SDK1: variants seen among roughly 807,000 people sequenced by gnomAD.
The protein encoded by SDK1 is sidekick cell adhesion molecule 1.
Under a neutral mutation model 245.5 loss-of-function variants are expected in SDK1, and 157 were observed. That is an observed-to-expected ratio of 0.64 (90% CI 0.56 to 0.73). The LOEUF is 0.73. Ranked by LOEUF, SDK1 falls within the 30% of genes least tolerant of loss-of-function variation. The pLI, the probability that SDK1 is intolerant of heterozygous loss-of-function variation, is 0.00. For missense variants in SDK1, 3,583 were observed against 3,002.3 expected (o/e 1.19, Z -4.52); for synonymous variants, 1,647 against 1,278.5 (o/e 1.29, Z -6.15).
chr7:3,543,129 A>C (rs1385753878), intron 1 of SDK1, among the ~76,000 whole-genome samples: 1 of 152,266 alleles, frequency 6.6e-6, no homozygotes, highest in Admixed American at 6.5e-5. Context: ...TCTCCAAAGT[A>C]ACGGAGGTTA....
At chr7:3,672,755 AATTT>A (rs1223010762) in intron 4 of SDK1, among the ~76,000 whole-genome samples, 8 of 80,148 alleles carry the variant, frequency 1.0e-4, no homozygotes, top group Admixed American at 9.3e-4. Flanking sequence ...TATAATATAT[AATTT>A]TATATATATA....
chr7:3,968,695 T>A (rs1274160964), intron 10 of SDK1, among the ~76,000 whole-genome samples: 8 of 152,234 alleles, frequency 5.3e-5, no homozygotes, highest in African/African-American at 1.9e-4. Flanking sequence ...TCTCTAAATA[T>A]TGAGCAAGTA....
intron 28 of SDK1, 58 bp from the exon 29 acceptor site, chr7:4,145,664 C>A: frequency 2.1e-6 from 3 of 1,460,106 alleles, no homozygotes; most frequent in Non-Finnish European, 2.8e-6. Flanking sequence ...GGGCACAGGG[C>A]TTCCCTGTGC....
rs1786269143 is a variant in SDK1, at chr7:4,237,784, G to T, written c.6130G>T (p.Gly2044Ter). The T allele has an allele frequency of 6.2e-7, 1 of 1,614,192 alleles. No homozygotes were observed. The highest frequency in any genetic ancestry group is 8.5e-7 in the Non-Finnish European group (1 of 1,180,046). ...QNKKYKNCST[G>*]KGISTMEESV... ...TAAGAAGTATAAGAACTGCAGCACA[G>T]GTGCAGGTCCAGCCCCTTCCTCGCG... The change falls in exon 42 of 45, where the codon GGA becomes TGA. Residue 2044 changes from glycine (G) to a stop codon, truncating the protein, a stop_gained and splice_region_variant. Transcript: ENST00000404826. LOFTEE classifies it high-confidence loss of function.
At chr7:3,775,856 G>A (rs572515065) in intron 4 of SDK1, among the ~76,000 whole-genome samples, 3 of 152,286 alleles carry the variant, frequency 2.0e-5, no homozygotes, top group African/African-American at 4.8e-5. Context: ...GATTACAGGC[G>A]TGAGCCACCG....
intron 4 of SDK1, among the ~76,000 whole-genome samples, chr7:3,808,103 G>A (rs999626059): frequency 3.9e-5 from 6 of 152,138 alleles, no homozygotes; most frequent in Non-Finnish European, 7.3e-5. Context: ...GTTAACCCCT[G>A]GTTGCTGCAA....
chr7:3,892,234 T>C (rs1473406057), intron 5 of SDK1, among the ~76,000 whole-genome samples: 1 of 152,186 alleles, frequency 6.6e-6, no homozygotes, highest in Non-Finnish European at 1.5e-5. Flanking sequence ...TAACTAGCAA[T>C]TCTCAAATCT....
chr7:3,982,538 A>G (rs1018450237), intron 13 of SDK1, among the ~76,000 whole-genome samples: 2 of 152,236 alleles, frequency 1.3e-5, no homozygotes, highest in African/African-American at 4.8e-5. Flanking sequence ...ACCATTCTAG[A>G]TACCATTAAG....
chr7:3,871,419 G>T (rs1780953283), intron 5 of SDK1, among the ~76,000 whole-genome samples: 1 of 143,948 alleles, frequency 6.9e-6, no homozygotes, highest in Non-Finnish European at 1.5e-5. Context: ...CACTGGTTAG[G>T]ACTGAATAGA....
Position 3,418,145 on chromosome 7 carries a change from G to GAAAAAAAAAAAAA in SDK1, c.298+116272_298+116284dup, listed in dbSNP as rs200914826. On this transcript the variant is annotated intron_variant, in intron 1 of 44. Coordinates refer to ENST00000404826, the MANE Select transcript of SDK1 (RefSeq NM_152744.4). ...GTGAAACCCGATCTCTACTAAAAAT[G>GAAAAAAAAAAAAA]AAAAAAAAAAAAAAAAAAAAAAATA... 7.5e-5 allele frequency among the ~76,000 whole-genome samples: 9 copies of GAAAAAAAAAAAAA among 119,726 alleles called. 1 individual carries two copies. Among genetic ancestry groups the GAAAAAAAAAAAAA allele is most frequent in the African/African-American group, 3.5e-4 (9 of 25,756 alleles). 78.5% of individuals were successfully genotyped at this position (119,726 alleles called of 152,430 possible).
At chr7:3,672,785 ATATATAT>A (rs1783754634) in intron 4 of SDK1, among the ~76,000 whole-genome samples, 1 of 105,154 alleles carries the variant, frequency 9.5e-6, no homozygotes, top group Non-Finnish European at 1.9e-5. Flanking sequence ...ATATATATAT[ATATATAT>A]ATAAAAAATA....
intron 4 of SDK1, among the ~76,000 whole-genome samples, chr7:3,707,660 C>G (rs989608416): frequency 1.3e-5 from 2 of 152,096 alleles, no homozygotes; most frequent in Admixed American, 6.5e-5. Context: ...GAAGGCCCCC[C>G]CTATTATCGT....
chr7:3,379,197 G>A (rs1248653915), intron 1 of SDK1, among the ~76,000 whole-genome samples: 1 of 152,182 alleles, frequency 6.6e-6, no homozygotes, highest in Non-Finnish European at 1.5e-5. Context: ...GCGGGGCAAT[G>A]TGCTGGGCAT....
rs188544767 is a variant in SDK1 at position 3,964,343 on chromosome 7, G to A, written c.1429+1492G>A. ...TCTCAGGGTAGCGTTGCCTCTTCCC[G>A]CACTAAGCCCTCCTCTTTCTTGAGG... On this transcript the variant is annotated intron_variant, in intron 9 of 44. Transcript: ENST00000404826. Among the ~76,000 whole-genome samples the A allele has an allele frequency of 1.2e-3, 184 of 152,184 alleles. 1 individual carries two copies. Among genetic ancestry groups the A allele is most frequent in the African/African-American group, 4.2e-3 (174 of 41,526 alleles).
At chr7:3,651,324 A>T (rs534590678) in intron 4 of SDK1, among the ~76,000 whole-genome samples, 1 of 152,138 alleles carries the variant, frequency 6.6e-6, no homozygotes, top group South Asian at 2.1e-4. Context: ...TCACTTCTCT[A>T]ATGGCTAATG....
intron 36 of SDK1, 58 bp from the exon 37 acceptor site, chr7:4,208,041 C>T: frequency 3.8e-6 from 5 of 1,329,976 alleles, no homozygotes; most frequent in East Asian, 4.6e-5. Flanking sequence ...ACTCAGTGGC[C>T]CCCGCTTACT....
At chr7:4,023,829 T>C (rs1166715370) in intron 17 of SDK1, among the ~76,000 whole-genome samples, 1 of 152,254 alleles carries the variant, frequency 6.6e-6, no homozygotes, top group Non-Finnish European at 1.5e-5. Flanking sequence ...AGAAAGAATG[T>C]GGCTGTGAAG....
At chr7:4,008,351 C>A (rs1272578488) in intron 14 of SDK1, among the ~76,000 whole-genome samples, 1 of 152,218 alleles carries the variant, frequency 6.6e-6, no homozygotes, top group African/African-American at 2.4e-5. Flanking sequence ...AACACACGAA[C>A]AAAAGATTCT....
At chr7:3,403,537 C>G (rs961480806) in intron 1 of SDK1, among the ~76,000 whole-genome samples, 1 of 151,710 alleles carries the variant, frequency 6.6e-6, no homozygotes, top group African/African-American at 2.4e-5. Flanking sequence ...AGCTTAATGA[C>G]TTTGGTAAAT....
Sources: gnomAD v4.1 joint callset for allele counts (sites outside exome capture counted in the v4.1 genomes callset) on GRCh38, gnomAD v4.1.1 for gene constraint, MANE v1.5 for transcripts, NCBI Gene and HGNC (gene_info 2026-07-23, HGNC 2026-07-21) for gene names.